NLRC5: variants seen among roughly 807,000 people sequenced by gnomAD.
NLRC5 encodes protein NLRC5.
A neutral mutation model predicts 206.9 loss-of-function variants in NLRC5; 114 were observed. The ratio of observed to expected loss-of-function variants is 0.55; its 90% confidence interval spans 0.47 to 0.64. The LOEUF (loss-of-function observed/expected upper bound fraction) is 0.64. Ranked by LOEUF, NLRC5 falls within the 30% of genes least tolerant of loss-of-function variation. The pLI is 0.00. For synonymous variants in NLRC5, 952 were observed against 962.8 expected, an observed-to-expected ratio of 0.99 and a Z score of 0.21; for missense variants, 2,008 against 2,305.5, an observed-to-expected ratio of 0.87 and a Z score of 2.64.
chr16:57,033,379 A>G (rs146781442), intron 11 of NLRC5, among the ~76,000 whole-genome samples: 6 of 152,368 alleles, frequency 3.9e-5, no homozygotes, highest in Admixed American at 6.5e-5. Context: ...ATGGCTATAC[A>G]TGGCAGAGCC....
chr16:57,069,899 C>A lies in NLRC5; in HGVS notation c.4563C>A (p.Cys1521Ter). 1 of 1,585,394 alleles carries A rather than the reference C, an allele frequency of 6.3e-7. No homozygotes were observed. Among genetic ancestry groups the A allele is most frequent in the Non-Finnish European group, 8.6e-7 (1 of 1,166,416 alleles). ...LAHLASGLGH[C>*]HHLEELDLSN... ...ACCTGGCATCTGGTCTGGGCCACTGCCACCACTTGGAGGAGCTGGAGTGAG... is the reference window on the plus strand; with the variant it reads ...ACCTGGCATCTGGTCTGGGCCACTGACACCACTTGGAGGAGCTGGAGTGAG... The change falls in exon 37 of 49, where the codon TGC becomes TGA. Residue 1521 changes from cysteine (C) to a stop codon, truncating the protein, a stop_gained. Coordinates refer to ENST00000688547, the MANE Select transcript of NLRC5 (RefSeq NM_001384950.1). LOFTEE classifies it high-confidence loss of function.
chr16:57,037,321 C>CT (rs2062722395), intron 15 of NLRC5, 37 bp downstream of exon 15: 1 of 1,548,876 alleles, frequency 6.5e-7, no homozygotes, highest in African/African-American at 1.4e-5. Context: ...CCATCCCCCC[C>CT]CCCATCATGC....
Position 57,036,132 on chromosome 16 carries a change from G to T in NLRC5, c.2660G>T (p.Cys887Phe). The change falls in exon 14 of 49, where the codon TGT (cysteine) becomes TTT (phenylalanine). Residue 887 changes from cysteine to phenylalanine, a missense_variant. Cys to Phe is a radical substitution (Grantham distance 205). Coordinates refer to ENST00000688547, the MANE Select transcript of NLRC5 (RefSeq NM_001384950.1). ...LSGNQLEDEG[C>F]RLMAEAASQL... Reference sequence around the variant, plus strand: ...GGGAACCAGCTGGAAGATGAAGGCTGTCGGCTGATGGCAGAGGCTGCATCC... The same window carrying T: ...GGGAACCAGCTGGAAGATGAAGGCTTTCGGCTGATGGCAGAGGCTGCATCC... 6.2e-7 allele frequency: 1 copy of T among 1,613,706 alleles called. No individual in the cohort carries two copies.
chr16:57,070,851 G>A (rs1397737544), intron 38 of NLRC5, among the ~76,000 whole-genome samples: 1 of 137,104 alleles, frequency 7.3e-6, no homozygotes, highest in Non-Finnish European at 1.5e-5. Flanking sequence ...GTGGTTAATG[G>A]GGAAGGGTGT....
intron 6 of NLRC5, 61 bp from the exon 7 acceptor site, chr16:57,028,011 C>G (rs1024997942): frequency 1.2e-5 from 14 of 1,172,684 alleles, no homozygotes; most frequent in African/African-American, 3.0e-5. Context: ...GAGGGGATGG[C>G]GATGACTTCT....
chr16:57,054,974 G>T (rs45533741), intron 25 of NLRC5, 58 bp from the exon 26 acceptor site: 95,978 of 1,605,690 alleles, frequency 0.06, 3,229 homozygotes, highest in African/African-American at 0.12. Flanking sequence ...TGCTGGCCCC[G>T]TGGGGGCATC....
chr16:57,076,415 G>A (rs2068405385), intron 39 of NLRC5, among the ~76,000 whole-genome samples: 1 of 152,248 alleles, frequency 6.6e-6, no homozygotes, highest in Non-Finnish European at 1.5e-5. Context: ...ATATGCCCCT[G>A]AGAACTGATC....
At position 57,079,616 on chromosome 16, in the gene NLRC5, C is replaced by T. The variant is rs760092946; in HGVS notation, c.5308C>T (p.Leu1770=). The change falls in exon 46 of 49, where the codon CTG becomes TTG. Residue 1770 remains leucine (L), a synonymous_variant. Coordinates refer to ENST00000688547, the MANE Select transcript of NLRC5 (RefSeq NM_001384950.1). ...LTSSFTSCPA[L]EVILLSWNLL... is the part of the protein sequence containing the mutation. Reference sequence around the variant, plus strand: ...CTCCAGCTTCACGAGCTGCCCTGCCCTGGAAGTAATCTTGTGAGTGATTGG... The same window carrying T: ...CTCCAGCTTCACGAGCTGCCCTGCCTTGGAAGTAATCTTGTGAGTGATTGG... 1.2e-6 allele frequency: 2 copies of T among 1,613,894 alleles called. No homozygotes were observed. The highest frequency in any genetic ancestry group is 1.7e-6 in the Non-Finnish European group (2 of 1,179,862).
At chr16:57,025,243 ACC>A in intron 5 of NLRC5, 123 bp from the exon 6 acceptor site, 1 of 1,449,110 alleles carries the variant, frequency 6.9e-7, no homozygotes, top group Non-Finnish European at 9.1e-7. Context: ...TGACACCCCC[ACC>A]CTCACCCCAT....
chr16:57,001,911 C>T lies in NLRC5; in HGVS notation c.-128+12294C>T, dbSNP rs552484680. Among the ~76,000 whole-genome samples, 48 of 149,590 alleles carry T rather than the reference C, an allele frequency of 3.2e-4. No individual in the cohort carries two copies. In the South Asian group the frequency reaches 0.01, roughly 32 times the overall value. ...CCCACCCTGGCCTCCTACTATACTTCCCATCCTCTGGTAACCATCCTTCTA... is the reference window on the plus strand; with the variant it reads ...CCCACCCTGGCCTCCTACTATACTTTCCATCCTCTGGTAACCATCCTTCTA... On this transcript the variant is annotated intron_variant, in intron 1 of 48. Coordinates refer to ENST00000688547, the MANE Select transcript of NLRC5 (RefSeq NM_001384950.1).
rs140743967 is a variant in NLRC5, at chr16:57,077,897, G to A, written c.5004-46G>A. ...GGGCACAGGGCAGGGCGGGGGTCCC[G>A]AGTGGGCAGGCCCAGTACTCAATGC... On this transcript the variant is annotated intron_variant, in intron 42 of 48. Transcript: ENST00000688547. 0.018 allele frequency: 29,731 copies of A among 1,609,056 alleles called. 327 individuals are homozygous for A. The highest frequency in any genetic ancestry group is 0.022 in the Non-Finnish European group (25,360 of 1,176,490).
At chr16:57,002,645 GTTTT>G (rs61167610) in intron 1 of NLRC5, among the ~76,000 whole-genome samples, 1 of 94,742 alleles carries the variant, frequency 1.1e-5, no homozygotes, top group Non-Finnish European at 2.1e-5. Context: ...GTTTTTTTTT[GTTTT>G]TTTTTTTTTT....
Position 57,041,539 on chromosome 16 carries a change from G to C in NLRC5, c.2994G>C (p.Leu998=). The change falls in exon 18 of 49, where the codon CTG becomes CTC. Residue 998 remains leucine, a synonymous_variant. Transcript: ENST00000688547. ...EKHLEQLCKA[L]GGSCHLGHLH... is the part of the protein sequence containing the mutation. ...ACCTAGAGCAGCTCTGCAAGGCTCT[G>C]GGAGGAAGCTGCCACCTCGGTCACC... 1 of 1,614,132 alleles carries C rather than the reference G, an allele frequency of 6.2e-7. No homozygotes were observed. The highest frequency in any genetic ancestry group is 2.2e-5 in the East Asian group (1 of 44,882).
chr16:57,067,448 T>G lies in NLRC5; in HGVS notation c.4384T>G (p.Cys1462Gly), dbSNP rs766079336. 4.3e-6 allele frequency: 7 copies of G among 1,614,120 alleles called. No individual in the cohort carries two copies. The Admixed American group carries it at 1.2e-4, about 27-fold the overall frequency. Residue 1462 changes from cysteine to glycine, a missense_variant, in exon 35 of 49, where the codon TGT becomes GGT. Cys to Gly is a radical substitution (Grantham distance 159). Transcript: ENST00000688547. ...SLLVGQLMET[C>G]ARLQQLSLSQ... ...TCTTGTCGGGCAGCTGATGGAGACA[T>G]GTGCCAGGCTGCAGCAGCTCAGGTC...
In NLRC5 at chr16:57,061,529, C is replaced by T. The variant is rs767389973; in HGVS notation, c.4068C>T (p.Leu1356=). 1 of 1,609,830 alleles carries T rather than the reference C, an allele frequency of 6.2e-7. No individual in the cohort carries two copies. Among genetic ancestry groups the T allele is most frequent in the Non-Finnish European group, 8.5e-7 (1 of 1,180,012 alleles). ...GCAAGTCCCTGCAGCTGACGGAGCT[C>T]ACGTGAGTGACCCACCCAGCCCGTG... is the stretch of plus-strand genomic sequence containing the variant. ...GLSKSLQLTE[L]TLTQCCLGQK... Residue 1356 remains leucine, a splice_region_variant and synonymous_variant, in exon 31 of 49, where the codon CTC becomes CTT. Coordinates refer to ENST00000688547, the MANE Select transcript of NLRC5 (RefSeq NM_001384950.1).
intron 10 of NLRC5, among the ~76,000 whole-genome samples, chr16:57,030,836 C>T (rs2061794117): frequency 6.6e-6 from 1 of 152,238 alleles, no homozygotes; most frequent in Admixed American, 6.5e-5. Context: ...CAGCCGGGCT[C>T]AGTGGCTCAT....
rs778462835 is a variant in NLRC5 at position 57,078,006 on chromosome 16, C to T, written c.5067C>T (p.His1689=). Residue 1689 remains histidine (H), a synonymous_variant, in exon 43 of 49, where the codon CAC becomes CAT. Coordinates refer to ENST00000688547, the MANE Select transcript of NLRC5 (RefSeq NM_001384950.1). Reference sequence around the variant, plus strand: ...GGCTGGCTCAGGAGCTGCCCCAGCACCTGAGGGTCCTACAGTGAGTGGCCC... The same window carrying T: ...GGCTGGCTCAGGAGCTGCCCCAGCATCTGAGGGTCCTACAGTGAGTGGCCC... ...ALGLAQELPQ[H]LRVLHLPFSH... The T allele has an allele frequency of 2.5e-6, 4 of 1,607,688 alleles. No homozygotes were observed. Among genetic ancestry groups the T allele is most frequent in the Non-Finnish European group, 2.6e-6 (3 of 1,176,234 alleles).
At chr16:57,070,058 G>A in intron 37 of NLRC5, 139 bp downstream of exon 37, 1 of 697,696 alleles carries the variant, frequency 1.4e-6, no homozygotes, top group Non-Finnish European at 2.4e-6. Context: ...AGCAGTTCTG[G>A]GTGTGGCCTG....
At chr16:56,998,509 C>T (rs1292692197) in intron 1 of NLRC5, among the ~76,000 whole-genome samples, 2 of 152,086 alleles carry the variant, frequency 1.3e-5, no homozygotes, top group African/African-American at 4.8e-5. Context: ...TGCTCTTATC[C>T]CCATTTTACA....
Sources: gnomAD v4.1 joint callset for allele counts (sites outside exome capture counted in the v4.1 genomes callset) on GRCh38, gnomAD v4.1.1 for gene constraint, MANE v1.5 for transcripts, NCBI Gene and HGNC (gene_info 2026-07-23, HGNC 2026-07-21) for gene names.